Variants in C4orf51 observed in about 807,000 individuals in gnomAD.
C4orf51 encodes the protein uncharacterized protein C4orf51.
C4orf51 carries 25 observed loss-of-function variants against 25.2 expected under a neutral mutation model. The ratio of observed to expected loss-of-function variants is 0.99; its 90% CI spans 0.72 to 1.39. The LOEUF is 1.39. Among genes scored for constraint, C4orf51 ranks in the 40% most tolerant of loss-of-function variants. The probability of loss-of-function intolerance (pLI) is 0.00; values close to 1 mark genes in which losing one functional copy is unlikely to be tolerated. For missense variants in C4orf51, 252 were observed against 239.6 expected (o/e 1.05, Z -0.34); for synonymous variants, 100 against 84.5 (o/e 1.18, Z -1.01).
intron 1 of C4orf51, among the ~76,000 whole-genome samples, chr4:145,747,396 T>C (rs1004709574): frequency 4.0e-5 from 6 of 151,862 alleles, no homozygotes; most frequent in African/African-American, 1.4e-4. Flanking sequence ...TGAGGTTTTT[T>C]TTTTTTATCA....
intron 2 of C4orf51, among the ~76,000 whole-genome samples, chr4:145,726,689 G>A (rs1035337559): frequency 2.0e-5 from 3 of 152,182 alleles, no homozygotes; most frequent in Admixed American, 6.5e-5. Flanking sequence ...TTACAGCCAT[G>A]AGCCACGGTG....
downstream of C4orf51, chr4:145,758,779 C>T (rs1456852378): frequency 1.3e-5 from 2 of 152,192 alleles, no homozygotes. Context: ...TCCCTGTGGG[C>T]ATCTCCTTAG....
intron 2 of C4orf51, among the ~76,000 whole-genome samples, chr4:145,716,367 T>C (rs1373823702): frequency 6.6e-6 from 1 of 152,142 alleles, no homozygotes; most frequent in Non-Finnish European, 1.5e-5. Flanking sequence ...CACTTCAGCC[T>C]GGAAGTGACT....
intron 2 of C4orf51, among the ~76,000 whole-genome samples, chr4:145,724,415 T>C (rs1379809741): frequency 1.3e-5 from 2 of 152,006 alleles, no homozygotes; most frequent in African/African-American, 2.4e-5. Flanking sequence ...AAAAAAAAAG[T>C]TTATCAGCAT....
chr4:145,691,337 T>G (rs890895934), intron 1 of C4orf51, among the ~76,000 whole-genome samples: 2 of 152,198 alleles, frequency 1.3e-5, no homozygotes, highest in African/African-American at 4.8e-5. Flanking sequence ...ATTTATACAC[T>G]GTTGGTGGGA....
downstream of C4orf51, among the ~76,000 whole-genome samples, chr4:145,736,283 A>G (rs1226997553): frequency 1.3e-5 from 2 of 151,806 alleles, no homozygotes; most frequent in Admixed American, 6.6e-5. Flanking sequence ...GAGTTTTGAC[A>G]GGTGACGAGC....
At chr4:145,779,030 C>T in the C4orf51 span, among the ~76,000 whole-genome samples, 1 of 152,150 alleles carries the variant, frequency 6.6e-6, no homozygotes, top group Admixed American at 6.6e-5. Context: ...CTCCCACCCA[C>T]AACAATAAGA....
At chr4:145,724,299 T>C (rs930665065) in intron 2 of C4orf51, among the ~76,000 whole-genome samples, 14 of 152,284 alleles carry the variant, frequency 9.2e-5, no homozygotes, top group African/African-American at 3.4e-4. Context: ...AAGGATAAAC[T>C]TCTTATCCGT....
the C4orf51 span, among the ~76,000 whole-genome samples, chr4:145,780,603 C>G: frequency 6.6e-6 from 1 of 152,142 alleles, no homozygotes; most frequent in Non-Finnish European, 1.5e-5. Flanking sequence ...ATCCATGTTT[C>G]TTTTTGTGGA....
intron 1 of C4orf51, chr4:145,759,753 T>TC (rs1455646958): frequency 6.6e-6 from 1 of 152,186 alleles, no homozygotes; most frequent in Non-Finnish European, 1.5e-5. Context: ...AACTGCCATT[T>TC]CTTTTTTTTA....
chr4:145,698,908 T>C (rs1730250319), intron 2 of C4orf51, among the ~76,000 whole-genome samples: 1 of 152,124 alleles, frequency 6.6e-6, no homozygotes, highest in African/African-American at 2.4e-5. Context: ...AACTGAAGAA[T>C]CACAAAAGAA....
chr4:145,714,040 C>A (rs796392428), intron 2 of C4orf51, among the ~76,000 whole-genome samples: 11 of 152,274 alleles, frequency 7.2e-5, no homozygotes, highest in African/African-American at 2.6e-4. Context: ...ACCTTGGCCT[C>A]CCAAAGTGCT....
intron 1 of C4orf51, among the ~76,000 whole-genome samples, chr4:145,746,045 G>A (rs748759757): frequency 6.6e-6 from 1 of 152,054 alleles, no homozygotes; most frequent in Non-Finnish European, 1.5e-5. Context: ...CAAATCTTTT[G>A]CCCATTTTAA....
Position 145,730,045 on chromosome 4 carries a change from CA to C in C4orf51, c.501+81del. The C allele has an allele frequency of 2.5e-6, 3 of 1,178,554 alleles. No individual in the cohort carries two copies. In the East Asian group the frequency reaches 7.0e-5, roughly 28 times the overall value. The allele number at this position is 1,178,554 out of a possible 1,614,324, so 73.0% of individuals were successfully genotyped here. On this transcript the variant is annotated intron_variant, in intron 5 of 5. Coordinates refer to ENST00000438731, the MANE Select transcript of C4orf51 (RefSeq NM_001080531.3). Reference sequence around the variant, plus strand: ...CGGGGTTCTGAGTGTCTCTACATGGCAGCAGGGGTGGTGGCCTGTGTATGTT... The same window carrying C: ...CGGGGTTCTGAGTGTCTCTACATGGCGCAGGGGTGGTGGCCTGTGTATGTT...
rs1317279649 is a variant in C4orf51, at chr4:145,761,086, G to A, written n.167-9902G>A. The A allele has an allele frequency of 1.9e-5, 24 of 1,289,610 alleles. No individual in the cohort carries two copies. Among genetic ancestry groups the A allele is most frequent in the Non-Finnish European group, 2.4e-5 (24 of 988,728 alleles). 79.9% of individuals were successfully genotyped at this position (1,289,610 alleles called of 1,614,324 possible). ...GGAGGCAGACATAACTGACAGGGGA[G>A]ACAGGAGATTCCGGGAGCTCCCGAC... On this transcript the variant is annotated intron_variant and non_coding_transcript_variant, in intron 1 of 1. Coordinates refer to the C4orf51 transcript ENST00000510096. The surrounding 1 kb of genome is among the most constrained non-coding windows in gnomAD (Gnocchi z 6.8).
At chr4:145,716,338 G>A (rs927454933) in intron 2 of C4orf51, among the ~76,000 whole-genome samples, 16 of 152,140 alleles carry the variant, frequency 1.1e-4, no homozygotes, top group African/African-American at 3.9e-4. Context: ...GGGGAGGGGA[G>A]ACACACGTGC....
chr4:145,734,262 C>A (rs938047816), downstream of C4orf51, among the ~76,000 whole-genome samples: 2 of 152,134 alleles, frequency 1.3e-5, no homozygotes, highest in Non-Finnish European at 2.9e-5. Flanking sequence ...AAAAGGGAAC[C>A]GGCAGGTTCA....
downstream of C4orf51, among the ~76,000 whole-genome samples, chr4:145,756,053 G>A (rs1733925654): frequency 6.6e-6 from 1 of 152,178 alleles, no homozygotes; most frequent in Non-Finnish European, 1.5e-5. Flanking sequence ...AAGGCATGGA[G>A]GTGACTAATG....
Position 145,729,949 on chromosome 4 carries a change from A to G in C4orf51, c.485A>G (p.Lys162Arg), listed in dbSNP as rs745884405. The change falls in exon 5 of 6, where the codon AAA (lysine) becomes AGA (arginine). Residue 162 changes from lysine to arginine, a missense_variant. Lys to Arg is a conservative substitution (Grantham distance 26, BLOSUM62 2). Transcript: ENST00000438731. ...CTGATAAACTACAGTCGACGAGGGA[A>G]AGGTGTCCTAAAGCATGTAAGAATC... The part of the protein sequence containing the change: ...EALINYSRRG[K>R]GVLKHLHGRC... 4.0e-5 allele frequency: 64 copies of G among 1,613,856 alleles called. No individual in the cohort carries two copies. The South Asian group carries it at 7.0e-4, about 18-fold the overall frequency.
Sources: allele counts gnomAD v4.1 joint callset (sites outside exome capture counted in the v4.1 genomes callset), GRCh38; gene constraint gnomAD v4.1.1; non-coding constraint Gnocchi (gnomAD v3.1); transcripts MANE v1.5; gene names NCBI Gene and HGNC (gene_info 2026-07-23, HGNC 2026-07-21).